SNX24: variants seen among roughly 807,000 people sequenced by gnomAD.
SNX24 encodes sorting nexin-24.
A neutral mutation model predicts 28.7 loss-of-function variants in SNX24; 22 were observed. The observed-to-expected ratio is 0.77, with a 90% CI of 0.55 to 1.10. The LOEUF (loss-of-function observed/expected upper bound fraction) is 1.10. Ranked by LOEUF, SNX24 falls within the 50% of genes least tolerant of loss-of-function variation. The pLI is 0.00. For missense variants in SNX24, 221 were observed against 201.1 expected (o/e 1.10, Z -0.60); for synonymous variants, 69 against 71.5 (o/e 0.96, Z 0.18).
chr5:122,986,324 A>T (rs925891275), intron 3 of SNX24, among the ~76,000 whole-genome samples: 4 of 152,210 alleles, frequency 2.6e-5, no homozygotes, highest in African/African-American at 7.2e-5. Flanking sequence ...TTTTCACCTC[A>T]TCAGCCTTAA....
At chr5:122,950,952 T>C (rs1316997408) in intron 3 of SNX24, among the ~76,000 whole-genome samples, 1 of 152,136 alleles carries the variant, frequency 6.6e-6, no homozygotes, top group Non-Finnish European at 1.5e-5. Context: ...GGCTCTTTCC[T>C]AGATAGATAA....
chr5:122,870,025 C>G (rs1219952245), intron 1 of SNX24, among the ~76,000 whole-genome samples: 1 of 151,994 alleles, frequency 6.6e-6, no homozygotes, highest in Non-Finnish European at 1.5e-5. Flanking sequence ...AAACTTTAAT[C>G]AACACCTGAT....
chr5:122,922,535 G>A (rs756593020), intron 1 of SNX24, among the ~76,000 whole-genome samples: 1 of 151,504 alleles, frequency 6.6e-6, no homozygotes, highest in African/African-American at 2.4e-5. Context: ...TTACAGGTGT[G>A]AGCCACCTCG....
intron 5 of SNX24, among the ~76,000 whole-genome samples, chr5:123,014,221 C>G (rs1391649894): frequency 3.3e-5 from 5 of 151,520 alleles, no homozygotes; most frequent in African/African-American, 1.2e-4. Context: ...GGCTGGAGTA[C>G]AGTGGCATGA....
At chr5:122,866,270 C>T (rs1428998346) in intron 1 of SNX24, among the ~76,000 whole-genome samples, 3 of 152,184 alleles carry the variant, frequency 2.0e-5, no homozygotes, top group African/African-American at 7.2e-5. Context: ...CTGCCTCAGC[C>T]TCCTGAGTAG....
At chr5:122,909,299 T>G (rs1454779609) in intron 1 of SNX24, among the ~76,000 whole-genome samples, 1 of 152,216 alleles carries the variant, frequency 6.6e-6, no homozygotes, top group African/African-American at 2.4e-5. Flanking sequence ...TAGTACCTAT[T>G]GCTTAATCTG....
intron 1 of SNX24, among the ~76,000 whole-genome samples, chr5:122,873,868 C>T (rs918155578): frequency 2.0e-5 from 3 of 150,580 alleles, no homozygotes; most frequent in Non-Finnish European, 4.4e-5. Context: ...CAAGTTCAAG[C>T]GATTCTCCTG....
chr5:122,924,545 T>C (rs1028753291), intron 1 of SNX24, among the ~76,000 whole-genome samples: 2 of 152,108 alleles, frequency 1.3e-5, no homozygotes. Flanking sequence ...CTACAAATTG[T>C]TTATTTCTGG....
At chr5:122,888,097 T>C (rs894782912) in intron 1 of SNX24, among the ~76,000 whole-genome samples, 11 of 152,242 alleles carry the variant, frequency 7.2e-5, no homozygotes, top group African/African-American at 2.7e-4. Flanking sequence ...CCTATTCTAA[T>C]GGGTGTTTTT....
chr5:122,965,417 A>C, intron 3 of SNX24: 1 of 454,692 alleles, frequency 2.2e-6, no homozygotes, highest in Non-Finnish European at 4.4e-6. Context: ...AGGAAAGATT[A>C]ATTGTTTGTT....
At chr5:122,857,586 G>T (rs1195727177) in intron 1 of SNX24, among the ~76,000 whole-genome samples, 5 of 151,928 alleles carry the variant, frequency 3.3e-5, no homozygotes, top group Admixed American at 2.0e-4. Flanking sequence ...GTAGGCCCCA[G>T]TGTCTGTTGT....
intron 1 of SNX24, among the ~76,000 whole-genome samples, chr5:122,928,411 A>G (rs182715769): frequency 1.8e-4 from 27 of 152,302 alleles, no homozygotes; most frequent in Admixed American, 1.4e-3. Context: ...GGACCTTGAG[A>G]TAAGGGAGAT....
intron 2 of SNX24, 35 bp from the exon 3 acceptor site, chr5:122,946,020 T>TC (rs1554075068): frequency 7.4e-6 from 9 of 1,222,836 alleles, no homozygotes; most frequent in South Asian, 1.5e-5. Context: ...CTCTGTTTTT[T>TC]TTTTTCTTTT....
At chr5:123,027,492 C>T (rs537755225) in intron 5 of SNX24, among the ~76,000 whole-genome samples, 7 of 152,252 alleles carry the variant, frequency 4.6e-5, no homozygotes, top group South Asian at 2.1e-4. Context: ...ACCGAGGGCA[C>T]GGGCACCAGC....
At chr5:122,953,859 G>T (rs1270685258) in intron 3 of SNX24, among the ~76,000 whole-genome samples, 1 of 152,132 alleles carries the variant, frequency 6.6e-6, no homozygotes, top group Non-Finnish European at 1.5e-5. Context: ...CAGAAATCAA[G>T]ACTAAGGATA....
intron 3 of SNX24, among the ~76,000 whole-genome samples, chr5:122,954,047 A>G (rs1164339978): frequency 2.6e-5 from 4 of 152,156 alleles, no homozygotes; most frequent in Admixed American, 6.5e-5. Context: ...ACAGTATGAT[A>G]TGTACCGTTG....
chr5:122,946,149 C>A lies in SNX24; in HGVS notation c.239C>A (p.Thr80Lys). ...VLEQRRQGLETYLQAVILENE... is the reference protein window; with the variant it reads ...VLEQRRQGLEKYLQAVILENE... ...GAACAGCGACGACAAGGCTTGGAAA[C>A]ATACTTACAGGTAAGATATGTTTAG... The change falls in exon 3 of 7, where the codon ACA becomes AAA. Residue 80 changes from threonine (T) to lysine (K), a missense_variant. Physicochemically the swap from Thr to Lys is moderately conservative, Grantham distance 78. Coordinates refer to ENST00000261369, the MANE Select transcript of SNX24 (RefSeq NM_014035.4). The A allele has an allele frequency of 6.3e-7, 1 of 1,589,344 alleles. No homozygotes were observed. Among genetic ancestry groups the A allele is most frequent in the African/African-American group, 1.3e-5 (1 of 74,418 alleles).
At chr5:122,982,766 G>T (rs1268224005) in intron 3 of SNX24, among the ~76,000 whole-genome samples, 1 of 152,106 alleles carries the variant, frequency 6.6e-6, no homozygotes, top group African/African-American at 2.4e-5. Context: ...AATTTACTTT[G>T]CTTTCAGCGA....
chr5:122,900,799 CAG>C (rs1757408334), intron 1 of SNX24, among the ~76,000 whole-genome samples: 1 of 151,554 alleles, frequency 6.6e-6, no homozygotes, highest in Non-Finnish European at 1.5e-5. Flanking sequence ...AATAAAACAA[CAG>C]GGAAAGGATA....
Sources: gnomAD v4.1 joint callset for allele counts (sites outside exome capture counted in the v4.1 genomes callset) on GRCh38, gnomAD v4.1.1 for gene constraint, MANE v1.5 for transcripts, NCBI Gene and HGNC (gene_info 2026-07-23, HGNC 2026-07-21) for gene names.